BICC1: variants seen among roughly 807,000 people sequenced by gnomAD.
BICC1 encodes BicC family RNA binding protein 1, also known as protein bicaudal C homolog 1.
Under a neutral mutation model 111.0 loss-of-function variants are expected in BICC1, and 43 were observed. That is an observed-to-expected ratio of 0.39 (90% CI 0.30 to 0.50). BICC1 has a LOEUF of 0.50. Among genes scored for constraint, BICC1 ranks in the 20% least tolerant of loss-of-function variants. The probability of loss-of-function intolerance (pLI) is 0.88; values close to 1 mark genes in which losing one functional copy is unlikely to be tolerated. For missense variants in BICC1, 1,091 were observed against 1,203.2 expected (o/e 0.91, Z 1.38); for synonymous variants, 467 against 434.4 (o/e 1.07, Z -0.93).
At chr10:58,554,519 A>T (rs1023701989) in intron 1 of BICC1, among the ~76,000 whole-genome samples, 1 of 152,140 alleles carries the variant, frequency 6.6e-6, no homozygotes, top group African/African-American at 2.4e-5. Flanking sequence ...TTTATGGTTC[A>T]GTTTCTGAAG....
intron 1 of BICC1, among the ~76,000 whole-genome samples, chr10:58,604,388 G>A (rs759225318): frequency 1.3e-5 from 2 of 152,060 alleles, no homozygotes; most frequent in Admixed American, 6.5e-5. Flanking sequence ...AAAATTAAGC[G>A]GCTGGGCGTG....
intron 2 of BICC1, among the ~76,000 whole-genome samples, chr10:58,683,276 G>A (rs1839598439): frequency 6.6e-6 from 1 of 152,160 alleles, no homozygotes; most frequent in South Asian, 2.1e-4. Context: ...TGCTGTTTTG[G>A]TTACCATAGC....
intron 3 of BICC1, among the ~76,000 whole-genome samples, chr10:58,771,987 A>C (rs1055578830): frequency 6.6e-6 from 1 of 152,216 alleles, no homozygotes; most frequent in East Asian, 1.9e-4. Context: ...AGAAGAAAGC[A>C]TGCCAGGAGT....
chr10:58,731,564 A>G (rs1021613855), intron 3 of BICC1, among the ~76,000 whole-genome samples: 3 of 152,224 alleles, frequency 2.0e-5, no homozygotes, highest in Non-Finnish European at 2.9e-5. Context: ...ATTATTAAAG[A>G]AAAGAGGCTT....
intron 1 of BICC1, among the ~76,000 whole-genome samples, chr10:58,566,688 T>C (rs931669564): frequency 2.0e-5 from 3 of 152,154 alleles, no homozygotes; most frequent in Non-Finnish European, 4.4e-5. Context: ...TTTTTGACTA[T>C]GGCCATTTTT....
intron 2 of BICC1, among the ~76,000 whole-genome samples, chr10:58,663,121 C>T (rs1422647637): frequency 7.1e-6 from 1 of 140,172 alleles, no homozygotes; most frequent in African/African-American, 2.7e-5. Flanking sequence ...GGCTGCAGTG[C>T]AGTGGCACTA....
chr10:58,723,752 TGGTA>T (rs984927989), intron 3 of BICC1, among the ~76,000 whole-genome samples: 46 of 152,154 alleles, frequency 3.0e-4, no homozygotes, highest in African/African-American at 1.1e-3. Context: ...AAGATTGTGT[TGGTA>T]GGAGGCTGTA....
intron 3 of BICC1, among the ~76,000 whole-genome samples, chr10:58,734,205 C>T (rs545254030): frequency 2.6e-5 from 4 of 152,268 alleles, no homozygotes; most frequent in East Asian, 1.9e-4. Context: ...TGTGACTTGC[C>T]GACTTGGCAA....
chr10:58,534,651 A>C (rs1382841272), intron 1 of BICC1, among the ~76,000 whole-genome samples: 1 of 151,634 alleles, frequency 6.6e-6, no homozygotes, highest in African/African-American at 2.4e-5. Flanking sequence ...ATGAGAAGGA[A>C]CCAGAAAAAT....
At chr10:58,551,078 A>T (rs766667811) in intron 1 of BICC1, among the ~76,000 whole-genome samples, 14 of 152,108 alleles carry the variant, frequency 9.2e-5, no homozygotes, top group Non-Finnish European at 1.6e-4. Context: ...CATATGATAT[A>T]CTTGTTTCCT....
At chr10:58,776,305 C>T (rs1842747829) in intron 3 of BICC1, among the ~76,000 whole-genome samples, 1 of 152,166 alleles carries the variant, frequency 6.6e-6, no homozygotes. Flanking sequence ...CACGAAGAGT[C>T]CCAGCTGTTG....
In BICC1 at chr10:58,810,303, C is replaced by T. The variant is rs145867545; in HGVS notation, c.2376+3145C>T. ...GCTTTGGCTATCTTGGGCTAGCCTGCCCCATCATCCTGGCTGGTGTTTAGC... is the reference window on the plus strand; with the variant it reads ...GCTTTGGCTATCTTGGGCTAGCCTGTCCCATCATCCTGGCTGGTGTTTAGC... On this transcript the variant is annotated intron_variant, in intron 17 of 20. Coordinates refer to ENST00000373886, the MANE Select transcript of BICC1 (RefSeq NM_001080512.3). Among the ~76,000 whole-genome samples the T allele has an allele frequency of 1.3e-3, 198 of 152,296 alleles. 1 individual carries two copies. The highest frequency in any genetic ancestry group is 2.3e-3 in the Non-Finnish European group (154 of 68,016).
chr10:58,690,026 CA>C (rs1039580303), intron 2 of BICC1, among the ~76,000 whole-genome samples: 3 of 152,018 alleles, frequency 2.0e-5, no homozygotes, highest in African/African-American at 7.2e-5. Context: ...AGTGTTTCAC[CA>C]TAAACATATT....
intron 3 of BICC1, among the ~76,000 whole-genome samples, chr10:58,711,478 C>G (rs1840569966): frequency 6.6e-6 from 1 of 152,198 alleles, no homozygotes; most frequent in African/African-American, 2.4e-5. Flanking sequence ...CATTTGAGAT[C>G]CTTTTCGAAT....
intron 2 of BICC1, among the ~76,000 whole-genome samples, chr10:58,686,425 G>GAAT (rs1377006012): frequency 6.6e-6 from 1 of 152,072 alleles, no homozygotes; most frequent in Non-Finnish European, 1.5e-5. Context: ...TTGCTAGTTT[G>GAAT]GGGAAATTTC....
At position 58,745,605 on chromosome 10, in the gene BICC1, C is replaced by CCG. The variant is rs202186959; in HGVS notation, c.308-39395_308-39394insGC. Among the ~76,000 whole-genome samples the CCG allele has an allele frequency of 5.0e-4, 63 of 125,540 alleles. 1 individual carries two copies. The East Asian group carries it at 0.013, about 26-fold the overall frequency. 82.4% of individuals were successfully genotyped at this position (125,540 alleles called of 152,430 possible). A position where few individuals can be genotyped will look rare whatever the true frequency, so the allele number is the denominator to read the frequency against. On this transcript the variant is annotated intron_variant, in intron 3 of 20. Coordinates refer to ENST00000373886, the MANE Select transcript of BICC1 (RefSeq NM_001080512.3). ...CCAGCTCTAAGAGCCCCCCACCGCCCCCCCCCCACATTTTTTTCTGATGGC... is the reference window on the plus strand; with the variant it reads ...CCAGCTCTAAGAGCCCCCCACCGCCCCGCCCCCCCACATTTTTTTCTGATGGC...
At chr10:58,515,270 T>C (rs907019643) in intron 1 of BICC1, among the ~76,000 whole-genome samples, 1 of 152,224 alleles carries the variant, frequency 6.6e-6, no homozygotes, top group Non-Finnish European at 1.5e-5. Flanking sequence ...CAGTCCATGC[T>C]TAAGGACTAC....
chr10:58,772,273 C>A (rs1842639778), intron 3 of BICC1, among the ~76,000 whole-genome samples: 1 of 152,006 alleles, frequency 6.6e-6, no homozygotes, highest in Non-Finnish European at 1.5e-5. Context: ...CAATAAAATA[C>A]ACAAGATTTT....
At chr10:58,714,173 A>G (rs1180008518) in intron 3 of BICC1, among the ~76,000 whole-genome samples, 3 of 152,220 alleles carry the variant, frequency 2.0e-5, no homozygotes, top group Non-Finnish European at 4.4e-5. Context: ...TCAGGATAGC[A>G]TAGCACTGGA....
Sources: allele counts gnomAD v4.1 joint callset (sites outside exome capture counted in the v4.1 genomes callset), GRCh38; gene constraint gnomAD v4.1.1; transcripts MANE v1.5; gene names NCBI Gene and HGNC (gene_info 2026-07-23, HGNC 2026-07-21).